Variants in SMARCA4 observed in about 807,000 individuals in gnomAD.
The protein encoded by SMARCA4 is SWI/SNF-related matrix-associated actin-dependent regulator of chromatin subfamily A member 4.
SMARCA4 carries 31 observed loss-of-function variants against 193.9 expected under a neutral mutation model. That is an observed-to-expected ratio of 0.16 (90% CI 0.12 to 0.22). The LOEUF (loss-of-function observed/expected upper bound fraction) is 0.22. Among genes scored for constraint, SMARCA4 ranks in the 10% least tolerant of loss-of-function variants. The pLI is 1.00. For missense variants in SMARCA4, 1,148 were observed against 2,296.0 expected, an observed-to-expected ratio of 0.50 and a Z score of 10.22; for synonymous variants, 942 against 933.1, an observed-to-expected ratio of 1.01 and a Z score of -0.17.
chr19:11,029,240 C>T (rs547260013), intron 24 of SMARCA4, among the ~76,000 whole-genome samples: 6 of 152,368 alleles, frequency 3.9e-5, no homozygotes, highest in East Asian at 3.9e-4. Flanking sequence ...CGGCTTCTCC[C>T]GTCCTCGAGA....
chr19:10,962,806 G>A (rs2083911955), intron 1 of SMARCA4, among the ~76,000 whole-genome samples: 1 of 134,878 alleles, frequency 7.4e-6, no homozygotes, highest in South Asian at 2.6e-4. Context: ...GCCTCCCAAA[G>A]TGCTAGGACT....
At chr19:11,050,280 C>T (rs967531677) in intron 30 of SMARCA4, among the ~76,000 whole-genome samples, 2 of 152,238 alleles carry the variant, frequency 1.3e-5, no homozygotes, top group Admixed American at 1.3e-4. Flanking sequence ...AGCTCTGGCC[C>T]CACCAGGCGG....
chr19:10,982,569 G>A (rs994968290), intron 1 of SMARCA4, among the ~76,000 whole-genome samples: 1 of 151,110 alleles, frequency 6.6e-6, no homozygotes, highest in Non-Finnish European at 1.5e-5. Flanking sequence ...GCACGATCTC[G>A]GCTCACTGCA....
intron 1 of SMARCA4, among the ~76,000 whole-genome samples, chr19:10,963,668 G>A (rs1454830187): frequency 2.0e-5 from 3 of 152,176 alleles, no homozygotes; most frequent in Non-Finnish European, 4.4e-5. Flanking sequence ...CAGGTAGGAC[G>A]AGGATGCCCG....
chr19:11,041,327 G>A lies in SMARCA4; in HGVS notation c.4191G>A (p.Leu1397=), dbSNP rs2146813500. 6.2e-7 allele frequency: 1 copy of A among 1,611,654 alleles called. No individual in the cohort carries two copies. The highest frequency in any genetic ancestry group is 8.5e-7 in the Non-Finnish European group (1 of 1,179,964). Residue 1397 remains leucine, a synonymous_variant, in exon 30 of 35, where the codon CTG becomes CTA. Transcript: ENST00000344626. The surrounding 1 kb of genome is among the most constrained non-coding windows in gnomAD (Gnocchi z 5.6). ...TGAAGGCCATCGAGGAGGGCACGCT[G>A]GAGGAGATCGAAGAGGAGGTCCGGC... The part of the protein sequence containing the change: ...QWLKAIEEGT[L]EEIEEEVRQK...
At chr19:11,017,728 C>T (rs1179250367) in intron 16 of SMARCA4, among the ~76,000 whole-genome samples, 2 of 152,254 alleles carry the variant, frequency 1.3e-5, no homozygotes, top group African/African-American at 4.8e-5. Flanking sequence ...TTTCACTGTT[C>T]CTGAGTCAGC....
At chr19:11,026,433 G>T in intron 23 of SMARCA4, 87 bp downstream of exon 23, 1 of 959,164 alleles carries the variant, frequency 1.0e-6, no homozygotes, top group Non-Finnish European at 1.7e-6. Flanking sequence ...CTGCTGTTAT[G>T]TTGTCCAATT....
Position 11,058,420 on chromosome 19 carries a change from G to T in SMARCA4, c.4533+57G>T. 8.2e-7 allele frequency: 1 copy of T among 1,213,330 alleles called. No individual in the cohort carries two copies. The highest frequency in any genetic ancestry group is 1.2e-6 in the Non-Finnish European group (1 of 822,210). 75.2% of individuals were successfully genotyped at this position (1,213,330 alleles called of 1,614,324 possible). ...GTGCCCGGAGGGGAGTCTGACCCAG[G>T]GGCACCCCCATCTGAGAGCTGTGGT... On this transcript the variant is annotated intron_variant, in intron 31 of 34. Transcript: ENST00000344626. This position sits in a 1 kb window ranked among gnomAD's most constrained non-coding sequence, Gnocchi z 5.8.
Position 11,033,158 on chromosome 19 carries a change from A to G in SMARCA4, c.3547-132A>G. The G allele has an allele frequency of 1.4e-6, 1 of 737,480 alleles. No homozygotes were observed. Among genetic ancestry groups the G allele is most frequent in the South Asian group, 1.4e-5 (1 of 69,582 alleles). 45.7% of individuals were successfully genotyped at this position (737,480 alleles called of 1,614,324 possible). On this transcript the variant is annotated intron_variant, in intron 25 of 34. Transcript: ENST00000344626. This position sits in a 1 kb window ranked among gnomAD's most constrained non-coding sequence, Gnocchi z 9.8. ...ACCAGCTCTGTTTTCATGCGGCGGC[A>G]GGTCAGGCTGGGCAGAATTGTCAGG...
chr19:11,004,889 G>C (rs1695846806), intron 13 of SMARCA4, among the ~76,000 whole-genome samples: 1 of 151,554 alleles, frequency 6.6e-6, no homozygotes, highest in South Asian at 2.1e-4. Context: ...ACCCAGGCTG[G>C]AGTGCAGTGG....
chr19:11,060,409 C>T (rs2076799159), intron 34 of SMARCA4: 1 of 622,616 alleles, frequency 1.6e-6, no homozygotes, highest in East Asian at 2.8e-5. Flanking sequence ...CTCTCAGTAC[C>T]CGTGGGTGTC....
Position 11,019,351 on chromosome 19 carries a change from GTTCC to G in SMARCA4, c.2506-239_2506-236del, listed in dbSNP as rs1397034818. The G allele has an allele frequency of 4.8e-5, 29 of 605,674 alleles. No homozygotes were observed. The highest frequency in any genetic ancestry group is 8.0e-5 in the Non-Finnish European group (27 of 339,604). 37.5% of individuals were successfully genotyped at this position (605,674 alleles called of 1,614,324 possible). On this transcript the variant is annotated intron_variant, in intron 17 of 34. Transcript: ENST00000344626. This position sits in a 1 kb window ranked among gnomAD's most constrained non-coding sequence, Gnocchi z 6.1. The stretch of plus-strand genomic sequence containing the variant: ...TGCAGATGGCGGTGCAGGCTGCGTG[GTTCC>G]CTCAGGCCCCGGCCGCCGCTGGCCT...
intron 1 of SMARCA4, among the ~76,000 whole-genome samples, chr19:10,970,955 T>C (rs1341781741): frequency 6.6e-6 from 1 of 152,094 alleles, no homozygotes; most frequent in African/African-American, 2.4e-5. Flanking sequence ...TCCCAGCATT[T>C]TGGGAGGCTG....
In SMARCA4 at chr19:11,046,132, A is replaced by C. The variant is rs369749557; in HGVS notation, c.4424+4572A>C. Reference sequence around the variant, plus strand: ...CAGATACTCGAGAGGCTGAGGCAGGAGAATGGCGTGAACCCGGGAGGCAGA... The same window carrying C: ...CAGATACTCGAGAGGCTGAGGCAGGCGAATGGCGTGAACCCGGGAGGCAGA... On this transcript the variant is annotated intron_variant, in intron 30 of 34. Transcript: ENST00000344626. Among the ~76,000 whole-genome samples, 344 of 151,878 alleles carry C rather than the reference A, an allele frequency of 2.3e-3. 10 individuals carry two copies. In the South Asian group the frequency reaches 0.053, roughly 24 times the overall value.
At chr19:11,016,506 C>T (rs2089378379) in intron 16 of SMARCA4, among the ~76,000 whole-genome samples, 1 of 152,216 alleles carries the variant, frequency 6.6e-6, no homozygotes, top group South Asian at 2.1e-4. Context: ...TTAGGAAGAG[C>T]TTTCCCGTCT....
intron 29 of SMARCA4, among the ~76,000 whole-genome samples, chr19:11,037,253 T>A (rs1335827691): frequency 6.6e-6 from 1 of 152,274 alleles, no homozygotes; most frequent in Non-Finnish European, 1.5e-5. Flanking sequence ...CCTTGGTGGC[T>A]ACGCCAGTTC....
At chr19:11,053,038 T>C (rs1158765367) in intron 30 of SMARCA4, among the ~76,000 whole-genome samples, 1 of 152,074 alleles carries the variant, frequency 6.6e-6, no homozygotes, top group East Asian at 1.9e-4. Flanking sequence ...CCTCCAGATA[T>C]AGGGCATCAA....
rs532242119 is a variant in SMARCA4 at position 10,987,904 on chromosome 19, C to G, written c.1098C>G (p.Ile366Met). ...QKPRGLDPVE[I>M]LQEREYRLQA... The stretch of plus-strand genomic sequence containing the variant: ...CGCGGGGCCTCGACCCTGTGGAGAT[C>G]CTGCAGGAGCGCGAGTACAGGTGAG... The change falls in exon 6 of 35, where the codon ATC becomes ATG. Residue 366 changes from isoleucine to methionine, a missense_variant. This residue lies in a region of SMARCA4 where 257 missense variants were observed against 276.5 expected (regional missense o/e 0.93). Transcript: ENST00000344626. This position sits in a 1 kb window ranked among gnomAD's most constrained non-coding sequence, Gnocchi z 5.3. 1.6e-5 allele frequency: 26 copies of G among 1,612,886 alleles called. No homozygotes were observed. In the Admixed American group the frequency reaches 1.8e-4, roughly 11 times the overall value.
chr19:11,023,693 C>G, intron 20 of SMARCA4, 62 bp downstream of exon 20: 1 of 1,034,888 alleles, frequency 9.7e-7, no homozygotes, highest in African/African-American at 1.6e-5. Flanking sequence ...TTCTCCAGGG[C>G]TGGGCGTGCT....
Sources: allele counts gnomAD v4.1 joint callset (sites outside exome capture counted in the v4.1 genomes callset), GRCh38; gene constraint gnomAD v4.1.1; regional missense constraint gnomAD v4.1.1; non-coding constraint Gnocchi (gnomAD v3.1); transcripts MANE v1.5; gene names NCBI Gene and HGNC (gene_info 2026-07-23, HGNC 2026-07-21).